The following NRXN1 variants were observed in gnomAD, a reference collection of about 807,000 sequenced individuals.
NRXN1 encodes the protein neurexin-1.
A neutral mutation model predicts 150.9 loss-of-function variants in NRXN1; 39 were observed. The observed-to-expected ratio is 0.26, with a 90% CI of 0.20 to 0.34. The LOEUF is 0.34. Ranked by LOEUF, NRXN1 falls within the 10% of genes least tolerant of loss-of-function variation. The pLI, the probability that NRXN1 is intolerant of heterozygous loss-of-function variation, is 1.00. For synonymous variants in NRXN1, 924 were observed against 757.0 expected (o/e 1.22, Z -3.62); for missense variants, 1,815 against 1,949.9 (o/e 0.93, Z 1.30).
At chr2:50,801,989 T>C (rs988636862) in intron 5 of NRXN1, among the ~76,000 whole-genome samples, 1 of 152,122 alleles carries the variant, frequency 6.6e-6, no homozygotes, top group Admixed American at 6.6e-5. Context: ...CTACCTACCA[T>C]AAGAATGCTA....
chr2:50,711,414 C>A (rs943437246), intron 5 of NRXN1, among the ~76,000 whole-genome samples: 1 of 149,212 alleles, frequency 6.7e-6, no homozygotes, highest in African/African-American at 2.5e-5. Context: ...TGGCTCACTG[C>A]AACCTCCGCC....
chr2:50,997,189 T>C (rs1391541119), intron 2 of NRXN1, among the ~76,000 whole-genome samples: 1 of 151,968 alleles, frequency 6.6e-6, no homozygotes, highest in Admixed American at 6.6e-5. Flanking sequence ...GTTTATTATG[T>C]CTTGGCCTTC....
At chr2:50,465,586 T>C (rs780505386) in intron 16 of NRXN1, 25 bp from the exon 17 acceptor site, 1 of 1,583,204 alleles carries the variant, frequency 6.3e-7, no homozygotes, top group Non-Finnish European at 8.6e-7. Context: ...AAAGGAAACT[T>C]GGGTTCTTTA....
rs185955815 is a variant in NRXN1, at chr2:49,958,457, G to A, written c.4129-14666C>T. ...TCACTCAATTCTGACATATTTCATT[G>A]CAGTTGTTATCACGCCTCTGCCATC... On this transcript the variant is annotated intron_variant, in intron 21 of 22. Coordinates refer to ENST00000401669, the MANE Select transcript of NRXN1 (RefSeq NM_001330078.2). 6.6e-5 allele frequency among the ~76,000 whole-genome samples: 10 copies of A among 152,062 alleles called. No individual in the cohort carries two copies. The East Asian group carries it at 1.9e-3, about 30-fold the overall frequency.
At position 50,925,729 on chromosome 2, in the gene NRXN1, G is replaced by T. The variant is rs143358779; in HGVS notation, c.790+209C>A. On this transcript the variant is annotated intron_variant, in intron 3 of 22. Transcript: ENST00000401669. Reference sequence around the variant, plus strand: ...ATATGGGATGCTGAGGTCTAACAAGGGTTGGAGTTAAGCTTGAAAAAGTTT... The same window carrying T: ...ATATGGGATGCTGAGGTCTAACAAGTGTTGGAGTTAAGCTTGAAAAAGTTT... 1.8e-3 allele frequency among the ~76,000 whole-genome samples: 266 copies of T among 151,924 alleles called. 4 individuals carry two copies. Among genetic ancestry groups the T allele is most frequent in the African/African-American group, 6.1e-3 (254 of 41,484 alleles).
At chr2:51,003,007 A>T (rs374249099) in intron 2 of NRXN1, among the ~76,000 whole-genome samples, 2 of 151,884 alleles carry the variant, frequency 1.3e-5, no homozygotes, top group African/African-American at 2.4e-5. Flanking sequence ...TTATGGACAG[A>T]CTCTTCCAAC....
intron 5 of NRXN1, among the ~76,000 whole-genome samples, chr2:50,847,440 G>A (rs959377021): frequency 2.6e-5 from 4 of 152,064 alleles, no homozygotes; most frequent in African/African-American, 9.7e-5. Flanking sequence ...GTGCTGGGAA[G>A]GGAAGAGTGT....
intron 17 of NRXN1, among the ~76,000 whole-genome samples, chr2:50,302,978 CATAG>C (rs2074301890): frequency 1.3e-5 from 2 of 152,098 alleles, no homozygotes; most frequent in African/African-American, 4.8e-5. Context: ...TCAACGCATA[CATAG>C]ATACTTTATC....
intron 17 of NRXN1, among the ~76,000 whole-genome samples, chr2:50,359,487 C>T (rs1004087822): frequency 3.3e-5 from 5 of 151,340 alleles, no homozygotes; most frequent in African/African-American, 1.2e-4. Flanking sequence ...GCCGAACTAT[C>T]AAGCAGAAGA....
chr2:49,921,771 G>T lies in NRXN1; in HGVS notation c.*173C>A, dbSNP rs2103991272. The T allele has an allele frequency of 5.8e-6, 4 of 684,608 alleles. No homozygotes were observed. The East Asian group carries it at 8.5e-5, about 15-fold the overall frequency. The allele number at this position is 684,608 out of a possible 1,614,324, so 42.4% of individuals were successfully genotyped here. On this transcript the variant is annotated 3_prime_UTR_variant, in exon 23 of 23. Transcript: ENST00000401669. ...TTTGTTTTTTGTTTTTCTTTTTTGA[G>T]AAACAAGAGCATGAGATACTTGTTT...
At chr2:50,382,122 T>C (rs184879080) in intron 17 of NRXN1, among the ~76,000 whole-genome samples, 4,272 of 147,990 alleles carry the variant, frequency 0.029, 174 homozygotes, top group African/African-American at 0.097. Context: ...AAGAAAGACC[T>C]ATTACTCTAT....
At chr2:50,881,186 T>C (rs557092443) in intron 5 of NRXN1, among the ~76,000 whole-genome samples, 1 of 152,084 alleles carries the variant, frequency 6.6e-6, no homozygotes, top group African/African-American at 2.4e-5. Flanking sequence ...AAAAGCATAA[T>C]ACGTTAAAAT....
intron 5 of NRXN1, among the ~76,000 whole-genome samples, chr2:50,833,467 C>G (rs1671687023): frequency 6.6e-6 from 1 of 151,986 alleles, no homozygotes; most frequent in African/African-American, 2.4e-5. Context: ...TAATACATAC[C>G]AATAAAAAGG....
At chr2:50,119,348 AAC>A (rs35844648) in intron 18 of NRXN1, among the ~76,000 whole-genome samples, 39,451 of 151,986 alleles carry the variant, frequency 0.26, 5,514 homozygotes, top group Admixed American at 0.39. Flanking sequence ...CCACAAAGTA[AAC>A]ACCTTAGGGT....
chr2:50,202,712 T>A (rs2062267651), intron 18 of NRXN1, among the ~76,000 whole-genome samples: 1 of 152,120 alleles, frequency 6.6e-6, no homozygotes, highest in African/African-American at 2.4e-5. Context: ...GATATATGAA[T>A]ATAAAGTATA....
At chr2:50,980,261 A>T (rs1438150243) in intron 2 of NRXN1, among the ~76,000 whole-genome samples, 1 of 152,022 alleles carries the variant, frequency 6.6e-6, no homozygotes, top group African/African-American at 2.4e-5. Context: ...ACCCCACTAC[A>T]TGTGCCTGAA....
intron 17 of NRXN1, among the ~76,000 whole-genome samples, chr2:50,449,663 G>A (rs547035384): frequency 6.6e-6 from 1 of 152,208 alleles, no homozygotes; most frequent in South Asian, 2.1e-4. Context: ...GTGCAGGTTT[G>A]TTACATGGGT....
intron 2 of NRXN1, among the ~76,000 whole-genome samples, chr2:50,930,971 G>A (rs1487145120): frequency 4.6e-5 from 7 of 152,296 alleles, no homozygotes; most frequent in Non-Finnish European, 8.8e-5. Flanking sequence ...CTGAGGTTAA[G>A]AGAGTGAACT....
At chr2:50,177,890 A>G (rs867511312) in intron 18 of NRXN1, among the ~76,000 whole-genome samples, 1 of 151,122 alleles carries the variant, frequency 6.6e-6, no homozygotes, top group African/African-American at 2.4e-5. Context: ...TGTTGGAAGA[A>G]AGGAAGGAAG....
Sources: allele counts gnomAD v4.1 joint callset (sites outside exome capture counted in the v4.1 genomes callset), GRCh38; gene constraint gnomAD v4.1.1; transcripts MANE v1.5; gene names NCBI Gene and HGNC (gene_info 2026-07-23, HGNC 2026-07-21).